UHRF2: variants seen among roughly 807,000 people sequenced by gnomAD.
The protein encoded by UHRF2 is ubiquitin like with PHD and ring finger domains 2, also known as E3 ubiquitin-protein ligase UHRF2.
A neutral mutation model predicts 96.8 loss-of-function variants in UHRF2; 23 were observed. The observed-to-expected ratio is 0.24, with a 90% CI of 0.17 to 0.34. The LOEUF (loss-of-function observed/expected upper bound fraction) is 0.34. Among genes scored for constraint, UHRF2 ranks in the 10% least tolerant of loss-of-function variants. The probability of loss-of-function intolerance (pLI) is 1.00; values close to 1 mark genes in which losing one functional copy is unlikely to be tolerated. For synonymous variants in UHRF2, 385 were observed against 332.6 expected, an observed-to-expected ratio of 1.16 and a Z score of -1.72; for missense variants, 685 against 981.5, an observed-to-expected ratio of 0.70 and a Z score of 4.04.
intron 1 of UHRF2, among the ~76,000 whole-genome samples, chr9:6,416,535 C>CTTTTTTTTTTT (rs60522189): frequency 4.6e-5 from 3 of 64,932 alleles, no homozygotes; most frequent in African/African-American, 1.2e-4. Flanking sequence ...ATCTCTAAAT[C>CTTTTTTTTTTT]TTTTTTTTTT....
At chr9:6,493,316 G>A (rs1478858594) in intron 9 of UHRF2, among the ~76,000 whole-genome samples, 1 of 152,004 alleles carries the variant, frequency 6.6e-6, no homozygotes, top group East Asian at 1.9e-4. Flanking sequence ...AAGTTAAGGT[G>A]AAGTTTTTAG....
At chr9:6,498,698 G>A (rs1316376756) in intron 12 of UHRF2, 2 of 152,732 alleles carry the variant, frequency 1.3e-5, no homozygotes, top group African/African-American at 4.8e-5. Flanking sequence ...AGACTTCGTT[G>A]ATTTTGTGTG....
rs897484123 is a variant in UHRF2, at chr9:6,464,859, C to T, written c.863+4068C>T. Among the ~76,000 whole-genome samples the T allele has an allele frequency of 1.1e-4, 16 of 152,076 alleles. No homozygotes were observed. In the South Asian group the frequency reaches 3.1e-3, roughly 30 times the overall value. ...TCAAGTAGGTTTTATATGTTCTTAG[C>T]TCTGTGTACTTCCATTTGAATTTTG... On this transcript the variant is annotated intron_variant, in intron 4 of 15. Transcript: ENST00000276893.
At chr9:6,419,010 G>A (rs138518717) in intron 1 of UHRF2, among the ~76,000 whole-genome samples, 21 of 152,096 alleles carry the variant, frequency 1.4e-4, no homozygotes, top group African/African-American at 3.6e-4. Flanking sequence ...ATTGTCTTCC[G>A]GCTGCATCTT....
chr9:6,505,994 A>T (rs901920528), intron 15 of UHRF2, 39 bp from the exon 16 acceptor site: 1 of 1,611,158 alleles, frequency 6.2e-7, no homozygotes, highest in Admixed American at 1.7e-5. Context: ...TACATGCTTT[A>T]TGCTCAGATT....
intron 3 of UHRF2, among the ~76,000 whole-genome samples, chr9:6,435,522 C>T (rs1820792415): frequency 6.6e-6 from 1 of 152,174 alleles, no homozygotes; most frequent in African/African-American, 2.4e-5. Flanking sequence ...CTACCACAAA[C>T]TAATTTTAGA....
In UHRF2 at chr9:6,500,661, A is replaced by G. The variant is rs772607705; in HGVS notation, c.2115A>G (p.Gln705=). ...QQQHLIREDC[Q]NQKLWDEVLS... is the part of the protein sequence containing the mutation. ...AACATCTCATCAGAGAAGATTGTCA[A>G]AACCAGAAGCTGTGGGATGAAGTGC... is the stretch of plus-strand genomic sequence containing the variant. Residue 705 remains glutamine, a synonymous_variant, in exon 14 of 16, where the codon CAA becomes CAG. Transcript: ENST00000276893. 5 of 1,613,862 alleles carry G rather than the reference A, an allele frequency of 3.1e-6. No homozygotes were observed. Among genetic ancestry groups the G allele is most frequent in the African/African-American group, 1.3e-5 (1 of 75,042 alleles).
At chr9:6,470,836 T>G (rs1448958499) in intron 4 of UHRF2, among the ~76,000 whole-genome samples, 1 of 152,084 alleles carries the variant, frequency 6.6e-6, no homozygotes, top group Non-Finnish European at 1.5e-5. Context: ...AAAATAAATA[T>G]TAGTCTAATC....
At chr9:6,481,582 T>A in intron 6 of UHRF2, 61 bp from the exon 7 acceptor site, 1 of 1,571,690 alleles carries the variant, frequency 6.4e-7, no homozygotes, top group Non-Finnish European at 8.6e-7. Flanking sequence ...AGGCTAATAT[T>A]CTGTTACTAG....
intron 9 of UHRF2, among the ~76,000 whole-genome samples, chr9:6,491,046 T>A (rs1824625829): frequency 6.6e-6 from 1 of 152,230 alleles, no homozygotes; most frequent in Non-Finnish European, 1.5e-5. Context: ...TACTCTTGCG[T>A]ACCTGCTGAT....
At position 6,445,972 on chromosome 9, in the gene UHRF2, C is replaced by A. The variant is rs1040972697; in HGVS notation, c.644+11799C>A. 1.7e-5 allele frequency among the ~76,000 whole-genome samples: 2 copies of A among 121,004 alleles called. 1 individual carries two copies. Among genetic ancestry groups the A allele is most frequent in the African/African-American group, 6.7e-5 (2 of 29,632 alleles). The allele number at this position is 121,004 out of a possible 152,430, so 79.4% of individuals were successfully genotyped here. ...TTGTTTTGGTAAATACTCTTCCCCCCCCGCCACCCTTTTTTTTTTTTTTTT... is the reference window on the plus strand; with the variant it reads ...TTGTTTTGGTAAATACTCTTCCCCCACCGCCACCCTTTTTTTTTTTTTTTT... On this transcript the variant is annotated intron_variant, in intron 3 of 15. Coordinates refer to ENST00000276893, the MANE Select transcript of UHRF2 (RefSeq NM_152896.3).
chr9:6,460,897 A>T (rs898358081), intron 4 of UHRF2, 106 bp downstream of exon 4: 1 of 888,270 alleles, frequency 1.1e-6, no homozygotes, highest in Non-Finnish European at 1.6e-6. Flanking sequence ...GAGTCTATAA[A>T]AGATGGAAAT....
intron 6 of UHRF2, among the ~76,000 whole-genome samples, chr9:6,481,228 T>C (rs1263439230): frequency 6.6e-6 from 1 of 152,172 alleles, no homozygotes. Flanking sequence ...AAACTACCAT[T>C]TTTCTCTGGG....
At chr9:6,446,445 A>ATT (rs113122733) in intron 3 of UHRF2, among the ~76,000 whole-genome samples, 137 of 151,100 alleles carry the variant, frequency 9.1e-4, no homozygotes, top group African/African-American at 3.0e-3. Flanking sequence ...GCCTGGCCTA[A>ATT]TTTTTTTTAA....
intron 1 of UHRF2, among the ~76,000 whole-genome samples, chr9:6,420,658 G>C (rs1246238931): frequency 1.3e-5 from 2 of 150,570 alleles, no homozygotes; most frequent in East Asian, 2.0e-4. Context: ...AGTGAGCCAA[G>C]ATCGTGCCAC....
At chr9:6,502,739 A>T (rs186467923) in intron 14 of UHRF2, among the ~76,000 whole-genome samples, 1 of 152,238 alleles carries the variant, frequency 6.6e-6, no homozygotes, top group Admixed American at 6.5e-5. Flanking sequence ...CCTGTATTAG[A>T]TATACCCGTA....
At chr9:6,475,141 G>T (rs1823487323) in intron 4 of UHRF2, among the ~76,000 whole-genome samples, 1 of 152,046 alleles carries the variant, frequency 6.6e-6, no homozygotes, top group Non-Finnish European at 1.5e-5. Context: ...AAATTTACAA[G>T]TTAGCTACTT....
Position 6,486,925 on chromosome 9 carries a change from C to A in UHRF2, c.1497C>A (p.Val499=). The A allele has an allele frequency of 1.2e-6, 2 of 1,613,714 alleles. No homozygotes were observed. Among genetic ancestry groups the A allele is most frequent in the Non-Finnish European group, 1.7e-6 (2 of 1,179,830 alleles). ...LVLAGGFADE[V]DRGDEFTYTG... Reference sequence around the variant, plus strand: ...TGGCTGGTGGATTTGCGGATGAAGTCGTAAGTCATTATACAACCTTACTCA... The same window carrying A: ...TGGCTGGTGGATTTGCGGATGAAGTAGTAAGTCATTATACAACCTTACTCA... Residue 499 remains valine (V), a splice_region_variant and synonymous_variant, in exon 9 of 16, where the codon GTC becomes GTA. Coordinates refer to ENST00000276893, the MANE Select transcript of UHRF2 (RefSeq NM_152896.3).
At chr9:6,484,785 C>CTTTTTTTTTTTTTTTTTT (rs34815980) in intron 8 of UHRF2, 1 of 66,278 alleles carries the variant, frequency 1.5e-5, no homozygotes, top group Non-Finnish European at 2.7e-5. Flanking sequence ...TCACTTCTTT[C>CTTTTTTTTTTTTTTTTTT]TTTTTTTTTT....
Sources: gnomAD v4.1 joint callset for allele counts (sites outside exome capture counted in the v4.1 genomes callset) on GRCh38, gnomAD v4.1.1 for gene constraint, MANE v1.5 for transcripts, NCBI Gene and HGNC (gene_info 2026-07-23, HGNC 2026-07-21) for gene names.